FKBP5: variants seen among roughly 807,000 people sequenced by gnomAD.
FKBP5 encodes peptidyl-prolyl cis-trans isomerase FKBP5.
Under a neutral mutation model 50.5 loss-of-function variants are expected in FKBP5, and 23 were observed. The ratio of observed to expected loss-of-function variants is 0.46; its 90% CI spans 0.33 to 0.65. The LOEUF is 0.65. Ranked by LOEUF, FKBP5 falls within the 30% of genes least tolerant of loss-of-function variation. The pLI is 0.02. For missense variants in FKBP5, 411 were observed against 553.1 expected (o/e 0.74, Z 2.58); for synonymous variants, 176 against 190.6 (o/e 0.92, Z 0.63).
chr6:35,651,155 A>G (rs1764787264), intron 1 of FKBP5, among the ~76,000 whole-genome samples: 1 of 151,874 alleles, frequency 6.6e-6, no homozygotes, highest in African/African-American at 2.4e-5. Flanking sequence ...TATATATAGA[A>G]GAAGTTTGGA....
intron 1 of FKBP5, chr6:35,664,765 T>G (rs191554501): frequency 6.5e-6 from 1 of 154,188 alleles, no homozygotes; most frequent in African/African-American, 2.4e-5. Context: ...CAAATCCTAA[T>G]AGAGGTAGTA....
At chr6:35,690,318 T>A (rs1244537811), upstream of FKBP5, among the ~76,000 whole-genome samples, 3 of 151,170 alleles carry the variant, frequency 2.0e-5, no homozygotes, top group Admixed American at 6.6e-5. Flanking sequence ...AAAATAATTT[T>A]AAAAAATTAG....
chr6:35,642,792 T>C lies in FKBP5; in HGVS notation c.33A>G (p.Glu11=). ...CAGCAACAGTGGCTGTGGGGCTTTCTTCATTGTTCTTGGCACCTTCATCAG... is the reference window on the plus strand; with the variant it reads ...CAGCAACAGTGGCTGTGGGGCTTTCCTCATTGTTCTTGGCACCTTCATCAG... MTTDEGAKNN[E]ESPTATVAEQ... Residue 11 remains glutamate, a synonymous_variant, in exon 2 of 11, where the codon GAA becomes GAG. Transcript: ENST00000357266. 6.2e-7 allele frequency: 1 copy of C among 1,614,050 alleles called. No individual in the cohort carries two copies. The highest frequency in any genetic ancestry group is 8.5e-7 in the Non-Finnish European group (1 of 1,179,980).
Position 35,712,042 on chromosome 6 carries a change from TAAAAAAAA to T in FKBP5, c.-20+8278_-20+8285del, listed in dbSNP as rs71002597. ...GTGTGTACAATCGCACTGGGCTAAT[TAAAAAAAA>T]AAAAAAAAAAGTAGAAACAGCGTGT... On this transcript the variant is annotated intron_variant, in intron 2 of 11. Coordinates refer to the FKBP5 transcript ENST00000536438. Among the ~76,000 whole-genome samples, 4 of 128,284 alleles carry T rather than the reference TAAAAAAAA, an allele frequency of 3.1e-5. No homozygotes were observed. The Admixed American group carries it at 3.2e-4, about 10-fold the overall frequency. The allele number at this position is 128,284 out of a possible 152,430, so 84.2% of individuals were successfully genotyped here.
chr6:35,685,859 G>GT (rs1171159636), intron 1 of FKBP5, among the ~76,000 whole-genome samples: 2 of 151,948 alleles, frequency 1.3e-5, no homozygotes, highest in African/African-American at 2.4e-5. Flanking sequence ...GCGCAGGCCT[G>GT]TAGTGTCAGC....
At position 35,620,989 on chromosome 6, in the gene FKBP5, C is replaced by CA. The variant is rs773187843; in HGVS notation, c.251-716dup. Reference sequence around the variant, plus strand: ...GAAGCTTATAATTTAGTTGGGTAGACAAAAAAAACAACAAAACAAGAAGTA... The same window carrying CA: ...GAAGCTTATAATTTAGTTGGGTAGACAAAAAAAAACAACAAAACAAGAAGTA... On this transcript the variant is annotated intron_variant, in intron 3 of 10. Transcript: ENST00000357266. Among the ~76,000 whole-genome samples the CA allele has an allele frequency of 9.9e-5, 15 of 150,890 alleles. No individual in the cohort carries two copies. The South Asian group carries it at 1.5e-3, about 15-fold the overall frequency.
chr6:35,591,821 A>G (rs527814513), intron 6 of FKBP5, among the ~76,000 whole-genome samples: 1 of 152,236 alleles, frequency 6.6e-6, no homozygotes, highest in Non-Finnish European at 1.5e-5. Flanking sequence ...ACATAATGAT[A>G]TACTCAAAAA....
chr6:35,638,359 T>A (rs1244675996), intron 2 of FKBP5, among the ~76,000 whole-genome samples: 1 of 152,204 alleles, frequency 6.6e-6, no homozygotes, highest in Non-Finnish European at 1.5e-5. Context: ...AACATAAATA[T>A]CACATAAACA....
chr6:35,633,929 C>T (rs553849818), intron 3 of FKBP5, among the ~76,000 whole-genome samples: 1 of 152,172 alleles, frequency 6.6e-6, no homozygotes, highest in Admixed American at 6.5e-5. Flanking sequence ...ACCGCACTGA[C>T]TCTAGACAGG....
At chr6:35,631,293 C>T (rs1764144517) in intron 3 of FKBP5, among the ~76,000 whole-genome samples, 1 of 152,120 alleles carries the variant, frequency 6.6e-6, no homozygotes, top group South Asian at 2.1e-4. Flanking sequence ...GCATGAATCC[C>T]AAAGTCATTA....
chr6:35,590,990 C>T, intron 7 of FKBP5, 140 bp downstream of exon 7: 1 of 515,148 alleles, frequency 1.9e-6, no homozygotes, highest in Middle Eastern at 5.2e-4. Context: ...TCTTCAGCAG[C>T]AGTGTTGGAG....
chr6:35,602,046 C>T (rs1250592376), intron 5 of FKBP5, among the ~76,000 whole-genome samples: 1 of 152,122 alleles, frequency 6.6e-6, no homozygotes, highest in Admixed American at 6.5e-5. Flanking sequence ...TTATTGTTCT[C>T]TTACTGCCCT....
chr6:35,706,291 G>A (rs920503038), intron 2 of FKBP5, among the ~76,000 whole-genome samples: 6 of 151,830 alleles, frequency 4.0e-5, no homozygotes, highest in African/African-American at 1.5e-4. Context: ...GTGCATGGTG[G>A]CGCATGCCTG....
chr6:35,608,337 G>GAA (rs756012467), intron 5 of FKBP5, among the ~76,000 whole-genome samples: 83 of 150,202 alleles, frequency 5.5e-4, no homozygotes, highest in Admixed American at 9.3e-4. Context: ...GTACCAAACT[G>GAA]GCACATGTCC....
intron 5 of FKBP5, among the ~76,000 whole-genome samples, chr6:35,614,893 G>C (rs528433628): frequency 1.1e-3 from 161 of 152,158 alleles, no homozygotes; most frequent in African/African-American, 3.6e-3. Context: ...GGGAGGCCAA[G>C]GCAGGCAGAT....
intron 1 of FKBP5, among the ~76,000 whole-genome samples, chr6:35,667,356 C>T (rs1003378324): frequency 1.3e-5 from 2 of 152,144 alleles, no homozygotes; most frequent in African/African-American, 4.8e-5. Flanking sequence ...CTCCATTTTT[C>T]CTGTCTCCCC....
At chr6:35,588,881 T>C (rs753410092) in intron 7 of FKBP5, among the ~76,000 whole-genome samples, 12 of 150,286 alleles carry the variant, frequency 8.0e-5, no homozygotes, top group Admixed American at 6.7e-4. Flanking sequence ...GCTGGAAATA[T>C]AGGAATGTGC....
chr6:35,632,667 A>G (rs57985230), intron 3 of FKBP5, among the ~76,000 whole-genome samples: 3,570 of 152,174 alleles, frequency 0.023, 92 homozygotes, highest in African/African-American at 0.056. Context: ...AAACGGGTGG[A>G]TCACCTGAGG....
intron 1 of FKBP5, among the ~76,000 whole-genome samples, chr6:35,671,449 G>C (rs1232527104): frequency 6.6e-6 from 1 of 151,846 alleles, no homozygotes. Context: ...AGCCTATAAA[G>C]CGCCTAACAT....
Sources: allele counts gnomAD v4.1 joint callset (sites outside exome capture counted in the v4.1 genomes callset), GRCh38; gene constraint gnomAD v4.1.1; transcripts MANE v1.5; gene names NCBI Gene and HGNC (gene_info 2026-07-23, HGNC 2026-07-21).